Variants in BAZ1A observed in about 807,000 individuals in gnomAD.
BAZ1A encodes bromodomain adjacent to zinc finger domain 1A, also known as bromodomain adjacent to zinc finger domain protein 1A.
In BAZ1A, 50 loss-of-function variants were observed where a neutral mutation model predicts 185.2. That is an observed-to-expected ratio of 0.27 (90% CI 0.22 to 0.34). The LOEUF (loss-of-function observed/expected upper bound fraction) is 0.34, where lower values mean the gene tolerates loss of function less well. BAZ1A is among the 10% of genes least tolerant of loss of function. The pLI is 1.00. For missense variants in BAZ1A, 1,356 were observed against 1,839.9 expected (o/e 0.74, Z 4.81); for synonymous variants, 571 against 615.6 (o/e 0.93, Z 1.07).
intron 3 of BAZ1A, among the ~76,000 whole-genome samples, chr14:34,848,833 T>C (rs907536601): frequency 1.3e-5 from 2 of 152,174 alleles, no homozygotes; most frequent in Non-Finnish European, 2.9e-5. Context: ...ATTTAACCTA[T>C]ATTAGGGAAA....
chr14:34,822,680 A>G (rs1017018154), intron 4 of BAZ1A, among the ~76,000 whole-genome samples: 2 of 152,202 alleles, frequency 1.3e-5, no homozygotes, highest in African/African-American at 4.8e-5. Flanking sequence ...TCAAGGGTCT[A>G]TTCCAAGTAT....
intron 20 of BAZ1A, among the ~76,000 whole-genome samples, chr14:34,772,426 T>A: frequency 6.6e-6 from 1 of 152,214 alleles, no homozygotes; most frequent in East Asian, 1.9e-4. Context: ...CCCATGTACT[T>A]CATCTGCACT....
rs550422037 is a variant in BAZ1A at position 34,790,455 on chromosome 14, G to C, written c.1510+2320C>G. 3.3e-5 allele frequency among the ~76,000 whole-genome samples: 5 copies of C among 152,310 alleles called. No individual in the cohort carries two copies. The South Asian group carries it at 1.0e-3, about 32-fold the overall frequency. Reference sequence around the variant, plus strand: ...TGCAACCTCTGCCTCCTGGGTTCAAGGGATTATGGTGCCTTAGCTTCCCAA... The same window carrying C: ...TGCAACCTCTGCCTCCTGGGTTCAACGGATTATGGTGCCTTAGCTTCCCAA... On this transcript the variant is annotated intron_variant, in intron 12 of 26. Coordinates refer to ENST00000360310, the MANE Select transcript of BAZ1A (RefSeq NM_013448.3).
At chr14:34,824,439 T>G (rs976041589) in intron 4 of BAZ1A, among the ~76,000 whole-genome samples, 2 of 110,428 alleles carry the variant, frequency 1.8e-5, no homozygotes, top group Non-Finnish European at 3.7e-5. Context: ...AAGAGATGTA[T>G]CAAAAGACTT....
chr14:34,859,220 T>C (rs776080259), intron 3 of BAZ1A, among the ~76,000 whole-genome samples: 8 of 152,144 alleles, frequency 5.3e-5, no homozygotes, highest in Non-Finnish European at 7.3e-5. Flanking sequence ...GGTGGGATTA[T>C]TGTTTGAGCT....
In BAZ1A at chr14:34,765,078, A is replaced by T. The variant is rs747932979; in HGVS notation, c.3492T>A (p.Val1164=). ...GACCCCTATCACAGCCATCACAAAG[A>T]ACCATGTTTTCAGCATCGCCTTTCT... ...CRKKGDAENM[V]LCDGCDRGHH... is the part of the protein sequence containing the mutation. Residue 1164 remains valine (V), a synonymous_variant, in exon 22 of 27, where the codon GTT becomes GTA. Transcript: ENST00000360310. 6.2e-7 allele frequency: 1 copy of T among 1,614,224 alleles called. No homozygotes were observed. The highest frequency in any genetic ancestry group is 1.1e-5 in the South Asian group (1 of 91,088).
chr14:34,859,401 A>G (rs1195734364), intron 3 of BAZ1A, among the ~76,000 whole-genome samples: 1 of 150,248 alleles, frequency 6.7e-6, no homozygotes. Context: ...ACCACTGCAC[A>G]GTCTGGGCAA....
At chr14:34,762,759 C>T (rs141997010) in intron 23 of BAZ1A, among the ~76,000 whole-genome samples, 2,072 of 152,244 alleles carry the variant, frequency 0.014, 27 homozygotes, top group Middle Eastern at 0.068. Flanking sequence ...CGTAAGCCAC[C>T]GTGCCCAGTC....
intron 4 of BAZ1A, among the ~76,000 whole-genome samples, chr14:34,824,402 G>GAAAA (rs2042133224): frequency 1.0e-4 from 2 of 19,994 alleles, no homozygotes; most frequent in African/African-American, 1.9e-4. Flanking sequence ...AAAAAAAGCA[G>GAAAA]CAACTCAAAA....
rs1407256176 is a variant in BAZ1A at position 34,754,842 on chromosome 14, C to T, written c.4459G>A (p.Glu1487Lys). Residue 1487 changes from glutamate (E) to lysine (K), a missense_variant, in exon 26 of 27, where the codon GAA (glutamate) becomes AAA (lysine). By Grantham distance (56) the Glu-to-Lys change is moderately conservative (BLOSUM62 1). Transcript: ENST00000360310. ...NIIREKVNKC[E>K]YKLASEFIDD... ...AATTACTTACATGCTAATTTATATT[C>T]ACACTTATTCACTTTTTCACGAATT... 1 of 1,594,116 alleles carries T rather than the reference C, an allele frequency of 6.3e-7. No homozygotes were observed. The highest frequency in any genetic ancestry group is 1.7e-5 in the Admixed American group (1 of 58,192).
intron 4 of BAZ1A, among the ~76,000 whole-genome samples, chr14:34,825,688 A>G (rs1181836415): frequency 6.6e-6 from 1 of 152,166 alleles, no homozygotes; most frequent in African/African-American, 2.4e-5. Flanking sequence ...CTGTAATCCC[A>G]GCACTTTGAG....
intron 9 of BAZ1A, among the ~76,000 whole-genome samples, chr14:34,796,475 A>C (rs545923362): frequency 1.4e-4 from 21 of 152,208 alleles, no homozygotes; most frequent in Non-Finnish European, 2.9e-4. Context: ...TTCAAGATTC[A>C]TTTGAATCTG....
intron 4 of BAZ1A, among the ~76,000 whole-genome samples, chr14:34,815,720 A>G (rs2041995768): frequency 6.6e-6 from 1 of 152,230 alleles, no homozygotes; most frequent in Non-Finnish European, 1.5e-5. Context: ...AAAAAATTAA[A>G]CAATTTTCTG....
chr14:34,803,215 C>T (rs1236131243), intron 6 of BAZ1A, among the ~76,000 whole-genome samples: 1 of 151,882 alleles, frequency 6.6e-6, no homozygotes, highest in East Asian at 1.9e-4. Context: ...CCCATCTCTA[C>T]TAAAAATACA....
At chr14:34,763,406 T>C (rs1878561509) in intron 23 of BAZ1A, among the ~76,000 whole-genome samples, 1 of 143,154 alleles carries the variant, frequency 7.0e-6, no homozygotes, top group African/African-American at 2.6e-5. Flanking sequence ...TCCACAAGAA[T>C]GGGGTTCAAA....
chr14:34,810,988 T>C lies in BAZ1A; in HGVS notation c.585A>G (p.Gln195=), dbSNP rs189498170. 2.2e-5 allele frequency: 36 copies of C among 1,610,768 alleles called. 1 individual carries two copies. In the Middle Eastern group the frequency reaches 8.3e-4, roughly 37 times the overall value. The change falls in exon 5 of 27, where the codon CAA becomes CAG. Residue 195 remains glutamine (Q), a synonymous_variant. Coordinates refer to ENST00000360310, the MANE Select transcript of BAZ1A (RefSeq NM_013448.3). ...IDPLLFKYKV[Q]PTKKELHESA... is the part of the protein sequence containing the mutation. Reference sequence around the variant, plus strand: ...ACTCATGTAATTCTTTTTTAGTGGGTTGCACTTTATACTTGAATAGTAAGG... The same window carrying C: ...ACTCATGTAATTCTTTTTTAGTGGGCTGCACTTTATACTTGAATAGTAAGG...
intron 6 of BAZ1A, among the ~76,000 whole-genome samples, chr14:34,806,220 C>T (rs1413600583): frequency 3.3e-5 from 5 of 151,976 alleles, no homozygotes; most frequent in African/African-American, 1.2e-4. Context: ...CATTTATATA[C>T]AGTGAAATGC....
intron 3 of BAZ1A, among the ~76,000 whole-genome samples, chr14:34,845,680 G>A (rs1858873081): frequency 2.0e-5 from 3 of 152,016 alleles, no homozygotes; most frequent in Admixed American, 1.3e-4. Context: ...CTAACATGGT[G>A]AAAAACACCG....
chr14:34,815,522 ACAAG>A (rs2041993211), intron 4 of BAZ1A, among the ~76,000 whole-genome samples: 1 of 152,196 alleles, frequency 6.6e-6, no homozygotes, highest in African/African-American at 2.4e-5. Context: ...TAGTTCTACA[ACAAG>A]CAAACATCAA....
Sources: gnomAD v4.1 joint callset for allele counts (sites outside exome capture counted in the v4.1 genomes callset) on GRCh38, gnomAD v4.1.1 for gene constraint, MANE v1.5 for transcripts, NCBI Gene and HGNC (gene_info 2026-07-23, HGNC 2026-07-21) for gene names.